The following BMX variants were observed in gnomAD, a reference collection of about 807,000 sequenced individuals.
BMX encodes the protein BMX non-receptor tyrosine kinase.
A neutral mutation model predicts 59.2 loss-of-function variants in BMX; 31 were observed. The observed-to-expected ratio is 0.52, with a 90% CI of 0.39 to 0.71. BMX has a LOEUF of 0.71. Ranked by LOEUF, BMX falls within the 30% of genes least tolerant of loss-of-function variation. The pLI is 0.00. For synonymous variants in BMX, 185 were observed against 181.0 expected (o/e 1.02, Z -0.18); for missense variants, 474 against 491.7 (o/e 0.96, Z 0.34).
At chrX:15,527,248 ATATATATATATATAT>A (rs1395962264) in intron 9 of BMX, among the ~76,000 whole-genome samples, 791 of 5,021 alleles carry the variant, frequency 0.16, 25 homozygotes, top group African/African-American at 0.34. Context: ...ACACACACAA[ATATATATATATATAT>A]ATATATATAT....
intron 16 of BMX, among the ~76,000 whole-genome samples, chrX:15,546,016 A>G (rs1233182335): frequency 1.8e-5 from 2 of 112,398 alleles, no homozygotes; most frequent in African/African-American, 6.5e-5. Context: ...GCACATAACC[A>G]TATACCATGA....
At chrX:15,514,713 T>G (rs745732440) in intron 4 of BMX, among the ~76,000 whole-genome samples, 1 of 111,955 alleles carries the variant, frequency 8.9e-6, no homozygotes, top group Non-Finnish European at 1.9e-5. Flanking sequence ...ATTGCCCTAT[T>G]CCCGTGGCTT....
At chrX:15,547,398 C>T (rs185235929) in intron 17 of BMX, among the ~76,000 whole-genome samples, 22 of 112,352 alleles carry the variant, frequency 2.0e-4, no homozygotes, top group African/African-American at 5.5e-4. Context: ...ATGGGATAGC[C>T]ATTCCCTTCT....
chrX:15,511,643 C>T, intron 4 of BMX, 125 bp downstream of exon 4: 1 of 525,820 alleles, frequency 1.9e-6, no homozygotes, highest in Non-Finnish European at 3.1e-6. Context: ...AGACAATCTA[C>T]TGATTTTCCT....
At chrX:15,554,803 C>T (rs1259778022) in intron 18 of BMX, among the ~76,000 whole-genome samples, 1 of 111,413 alleles carries the variant, frequency 9.0e-6, no homozygotes, top group East Asian at 2.8e-4. Context: ...TATTAAAAGA[C>T]CATCTTATCA....
chrX:15,536,506 A>T, intron 13 of BMX, 79 bp downstream of exon 13: 1 of 775,853 alleles, frequency 1.3e-6, no homozygotes, highest in Non-Finnish European at 1.8e-6. Flanking sequence ...TACTGGCAAA[A>T]AAAAAAAAAA....
intron 3 of BMX, 138 bp downstream of exon 3, chrX:15,509,571 G>T: frequency 2.2e-6 from 1 of 454,144 alleles, no homozygotes; most frequent in African/African-American, 2.5e-5. Context: ...CATGGGAGTT[G>T]GGCATTTTGC....
chrX:15,539,715 C>T (rs1925559456), intron 14 of BMX, among the ~76,000 whole-genome samples: 1 of 111,635 alleles, frequency 9.0e-6, no homozygotes, highest in Non-Finnish European at 1.9e-5. Flanking sequence ...CAGAATAATC[C>T]TGTAAATTGT....
intron 2 of BMX, 90 bp downstream of exon 2, chrX:15,508,581 G>A: frequency 1.3e-6 from 1 of 763,964 alleles, no homozygotes; most frequent in Non-Finnish European, 1.8e-6. Flanking sequence ...AAGAATATCA[G>A]GTTTCTTAAC....
At position 15,542,075 on chromosome X, in the gene BMX, C is replaced by T. The variant is rs181593699; in HGVS notation, c.1488C>T (p.Cys496=). The change falls in exon 15 of 19, where the codon TGC becomes TGT. Residue 496 remains cysteine (C), a synonymous_variant. Coordinates refer to ENST00000348343, the MANE Select transcript of BMX (RefSeq NM_203281.3). The part of the protein sequence containing the change: ...YIVTEYISNG[C]LLNYLRSHGK... ...TGACTGAATATATAAGCAATGGCTG[C>T]TTGCTGAATTACCTGAGGAGTCACG... 163 of 1,209,011 alleles carry T rather than the reference C, an allele frequency of 1.3e-4. 1 individual carries two copies. The East Asian group carries it at 4.4e-3, about 33-fold the overall frequency.
chrX:15,519,483 TAA>T (rs1225883668), intron 6 of BMX, among the ~76,000 whole-genome samples: 1 of 111,048 alleles, frequency 9.0e-6, no homozygotes, highest in Non-Finnish European at 1.9e-5. Flanking sequence ...GAGTGGGCCA[TAA>T]ATCCAATGAC....
chrX:15,513,062 C>T (rs1191383475), intron 4 of BMX, among the ~76,000 whole-genome samples: 1 of 112,553 alleles, frequency 8.9e-6, no homozygotes, highest in Non-Finnish European at 1.9e-5. Flanking sequence ...TGGTTTGTCT[C>T]TATGCACAGT....
Position 15,522,434 on chromosome X carries a change from A to C in BMX, c.599A>C (p.Lys200Thr), listed in dbSNP as rs1924507068. Reference sequence around the variant, plus strand: ...GCCCAATATGACAACGAATCAAAGAAAAACTATGGCTCCCAGCCACCATCT... The same window carrying C: ...GCCCAATATGACAACGAATCAAAGACAAACTATGGCTCCCAGCCACCATCT... ...TLAQYDNESK[K>T]NYGSQPPSSS... Residue 200 changes from lysine to threonine, a missense_variant, in exon 7 of 19, where the codon AAA becomes ACA. By Grantham distance (78) the Lys-to-Thr change is moderately conservative. Coordinates refer to ENST00000348343, the MANE Select transcript of BMX (RefSeq NM_203281.3). 1 of 1,212,230 alleles carries C rather than the reference A, an allele frequency of 8.2e-7. No individual in the cohort carries two copies. Among genetic ancestry groups the C allele is most frequent in the East Asian group, 3.0e-5 (1 of 33,855 alleles).
At chrX:15,505,981 G>A (rs1052034601) in intron 1 of BMX, among the ~76,000 whole-genome samples, 1 of 110,877 alleles carries the variant, frequency 9.0e-6, no homozygotes, top group Non-Finnish European at 1.9e-5. Flanking sequence ...CCAGGCTGGA[G>A]TGCAGTGGCG....
chrX:15,514,800 A>G (rs1924085871), intron 4 of BMX, among the ~76,000 whole-genome samples: 1 of 111,700 alleles, frequency 9.0e-6, no homozygotes, highest in Non-Finnish European at 1.9e-5. Flanking sequence ...TCAAAGTCAC[A>G]GAAGTCAAGG....
At chrX:15,509,847 T>C (rs1231090990) in intron 3 of BMX, among the ~76,000 whole-genome samples, 1 of 111,031 alleles carries the variant, frequency 9.0e-6, no homozygotes, top group Non-Finnish European at 1.9e-5. Flanking sequence ...AAGGTGGAGG[T>C]CAGCAGAATG....
intron 6 of BMX, 64 bp from the exon 7 acceptor site, chrX:15,522,282 G>A (rs1924495219): frequency 3.9e-6 from 4 of 1,020,199 alleles, no homozygotes; most frequent in Non-Finnish European, 5.2e-6. Context: ...ATACTTAATT[G>A]TCAGTTCCCG....
chrX:15,505,749 G>T (rs1255788901), intron 1 of BMX, among the ~76,000 whole-genome samples: 1 of 110,926 alleles, frequency 9.0e-6, no homozygotes, highest in Non-Finnish European at 1.9e-5. Context: ...GGTGCTTGAG[G>T]GCTCAATACC....
chrX:15,525,133 A>C (rs751574304), intron 7 of BMX, among the ~76,000 whole-genome samples, 155 bp from the exon 8 acceptor site: 1 of 112,638 alleles, frequency 8.9e-6, no homozygotes, highest in East Asian at 2.8e-4. Context: ...CAAAATGTGA[A>C]AGTAACTCAT....
Sources: gnomAD v4.1 joint callset for allele counts (sites outside exome capture counted in the v4.1 genomes callset) on GRCh38, gnomAD v4.1.1 for gene constraint, MANE v1.5 for transcripts, NCBI Gene and HGNC (gene_info 2026-07-23, HGNC 2026-07-21) for gene names.